ADTRP: variants seen among roughly 807,000 people sequenced by gnomAD.
ADTRP encodes androgen dependent TFPI regulating protein, also known as androgen-dependent TFPI-regulating protein.
In ADTRP, 20 loss-of-function variants were observed where a neutral mutation model predicts 27.0. The ratio of observed to expected loss-of-function variants is 0.74; its 90% CI spans 0.52 to 1.08. ADTRP has a LOEUF of 1.08. ADTRP is among the 50% of genes least tolerant of loss of function. The probability of loss-of-function intolerance (pLI) is 0.00; values close to 1 mark genes in which losing one functional copy is unlikely to be tolerated. For missense variants in ADTRP, 251 were observed against 275.0 expected (o/e 0.91, Z 0.62); for synonymous variants, 101 against 105.2 (o/e 0.96, Z 0.25).
At chr6:11,733,314 T>C (rs1204335261) in intron 4 of ADTRP, among the ~76,000 whole-genome samples, 2 of 152,242 alleles carry the variant, frequency 1.3e-5, no homozygotes, top group Non-Finnish European at 2.9e-5. Context: ...TTCCTCTGAT[T>C]ATAACACTTT....
chr6:11,768,203 C>T, intron 2 of ADTRP, 46 bp downstream of exon 2: 1 of 1,608,836 alleles, frequency 6.2e-7, no homozygotes, highest in Non-Finnish European at 8.5e-7. Flanking sequence ...AGCGTCTGTC[C>T]ATATGCACAT....
At chr6:11,727,980 AGGG>A (rs1202444549) in intron 4 of ADTRP, among the ~76,000 whole-genome samples, 1 of 19,284 alleles carries the variant, frequency 5.2e-5, no homozygotes. Flanking sequence ...GGAGGTAGGT[AGGG>A]AGGGAGGGAG....
intron 3 of ADTRP, among the ~76,000 whole-genome samples, chr6:11,762,998 G>A (rs897152117): frequency 2.6e-5 from 4 of 152,140 alleles, no homozygotes; most frequent in Non-Finnish European, 4.4e-5. Flanking sequence ...AAACCTGAAG[G>A]GCTACTTTGC....
intron 1 of ADTRP, among the ~76,000 whole-genome samples, chr6:11,770,250 AG>A (rs1290058617): frequency 3.6e-4 from 55 of 152,320 alleles, no homozygotes; most frequent in Middle Eastern, 3.4e-3. Flanking sequence ...TAATGTAATC[AG>A]TCTGGGGCTA....
rs1762079928 is a variant in ADTRP at position 11,723,359 on chromosome 6, G to C, written c.648C>G (p.His216Gln). The change falls in exon 5 of 6, where the codon CAC (histidine) becomes CAG (glutamine). Residue 216 changes from histidine (H) to glutamine (Q), a missense_variant. By Grantham distance (24) the His-to-Gln change is conservative. Transcript: ENST00000414691. ...SIYLLGEKLN[H>Q]WKWGDMRQPR... ...AAGAAATACACTGACCCCATTTCCAGTGGTTGAGCTTCTCTCCAAGTAGGT... is the reference window on the plus strand; with the variant it reads ...AAGAAATACACTGACCCCATTTCCACTGGTTGAGCTTCTCTCCAAGTAGGT... The C allele has an allele frequency of 6.2e-7, 1 of 1,614,130 alleles. No homozygotes were observed. Among genetic ancestry groups the C allele is most frequent in the Non-Finnish European group, 8.5e-7 (1 of 1,180,016 alleles).
intron 4 of ADTRP, among the ~76,000 whole-genome samples, chr6:11,726,355 T>C (rs1762200011): frequency 6.6e-6 from 1 of 152,142 alleles, no homozygotes. Context: ...GTGGGAGGTG[T>C]TCGGGTCATG....
At chr6:11,736,794 G>A (rs184715079) in intron 3 of ADTRP, 7 of 152,288 alleles carry the variant, frequency 4.6e-5, no homozygotes, top group African/African-American at 1.2e-4. Context: ...CGTACGCTCT[G>A]GGGGGCCGGA....
At chr6:11,738,082 G>T (rs148539353) in intron 3 of ADTRP, among the ~76,000 whole-genome samples, 1 of 152,186 alleles carries the variant, frequency 6.6e-6, no homozygotes, top group African/African-American at 2.4e-5. Flanking sequence ...ACGTGAGTGC[G>T]TGTAATATGC....
At chr6:11,765,413 C>T (rs923526973) in intron 3 of ADTRP, among the ~76,000 whole-genome samples, 4 of 148,210 alleles carry the variant, frequency 2.7e-5, no homozygotes, top group Admixed American at 1.4e-4. Flanking sequence ...CTGCAACCTC[C>T]GCCTCCCAGG....
intron 1 of ADTRP, chr6:11,770,091 T>C: frequency 6.5e-7 from 1 of 1,544,482 alleles, no homozygotes; most frequent in Non-Finnish European, 8.7e-7. Context: ...TGAGCTAGAC[T>C]TCGAAAAAAT....
chr6:11,722,086 C>A (rs1762039882), intron 5 of ADTRP, among the ~76,000 whole-genome samples: 2 of 151,824 alleles, frequency 1.3e-5, no homozygotes, highest in Admixed American at 6.6e-5. Context: ...CTTCAAGGAG[C>A]CAAAACTAGT....
At chr6:11,726,304 A>G (rs1301156478) in intron 4 of ADTRP, among the ~76,000 whole-genome samples, 3 of 152,102 alleles carry the variant, frequency 2.0e-5, no homozygotes, top group Admixed American at 6.6e-5. Context: ...CTCATGTTGA[A>G]ATTTGGTCCT....
intron 4 of ADTRP, among the ~76,000 whole-genome samples, chr6:11,730,242 A>G (rs1229474886): frequency 6.6e-6 from 1 of 152,180 alleles, no homozygotes; most frequent in African/African-American, 2.4e-5. Flanking sequence ...ATTTTCATAT[A>G]TGAATTTACA....
At chr6:11,762,242 G>A (rs1402520284) in intron 3 of ADTRP, among the ~76,000 whole-genome samples, 1 of 152,222 alleles carries the variant, frequency 6.6e-6, no homozygotes, top group Non-Finnish European at 1.5e-5. Context: ...GGCCAGGACA[G>A]GTAGGGCACA....
intron 3 of ADTRP, among the ~76,000 whole-genome samples, chr6:11,758,809 T>C (rs888168904): frequency 2.0e-5 from 3 of 152,068 alleles, no homozygotes; most frequent in African/African-American, 7.2e-5. Flanking sequence ...GTTGGTACAT[T>C]GAGAAAGTGG....
intron 4 of ADTRP, among the ~76,000 whole-genome samples, chr6:11,727,101 C>T (rs945982437): frequency 6.6e-6 from 1 of 152,200 alleles, no homozygotes; most frequent in East Asian, 1.9e-4. Flanking sequence ...CGGCTCACTG[C>T]AAGCTCCGCT....
intron 3 of ADTRP, among the ~76,000 whole-genome samples, chr6:11,765,399 C>T (rs1410820462): frequency 2.2e-5 from 3 of 136,132 alleles, no homozygotes; most frequent in African/African-American, 5.5e-5. Flanking sequence ...GCGATCTTGG[C>T]TCACTGCAAC....
At chr6:11,753,713 C>T (rs1763123531) in intron 3 of ADTRP, among the ~76,000 whole-genome samples, 1 of 152,218 alleles carries the variant, frequency 6.6e-6, no homozygotes, top group Non-Finnish European at 1.5e-5. Context: ...AAGTATTTTA[C>T]TATTTCTGCC....
chr6:11,753,498 C>A (rs148634662), intron 3 of ADTRP, among the ~76,000 whole-genome samples: 3,237 of 152,200 alleles, frequency 0.021, 50 homozygotes, highest in Non-Finnish European at 0.033. Flanking sequence ...TTCTGAAGTG[C>A]CTTTTTTTGC....
Sources: allele counts gnomAD v4.1 joint callset (sites outside exome capture counted in the v4.1 genomes callset), GRCh38; gene constraint gnomAD v4.1.1; transcripts MANE v1.5; gene names NCBI Gene and HGNC (gene_info 2026-07-23, HGNC 2026-07-21).